The following ETV7 variants were observed in gnomAD, a reference collection of about 807,000 sequenced individuals.
ETV7 encodes the protein transcription factor ETV7.
ETV7 carries 43 observed loss-of-function variants against 39.1 expected under a neutral mutation model. That is an observed-to-expected ratio of 1.10 (90% CI 0.86 to 1.42). ETV7 has a LOEUF of 1.42. Ranked by LOEUF, ETV7 falls within the 40% of genes most tolerant of loss-of-function variation. The probability of loss-of-function intolerance (pLI) is 0.00; values close to 1 mark genes in which losing one functional copy is unlikely to be tolerated. For synonymous variants in ETV7, 196 were observed against 176.6 expected, an observed-to-expected ratio of 1.11 and a Z score of -0.87; for missense variants, 432 against 442.3, an observed-to-expected ratio of 0.98 and a Z score of 0.21.
chr6:36,363,168 G>A (rs1314157939), downstream of ETV7, among the ~76,000 whole-genome samples: 2 of 152,240 alleles, frequency 1.3e-5, no homozygotes, highest in African/African-American at 4.8e-5. Flanking sequence ...TGGTCTCACT[G>A]ACTTCAAGAA....
rs374057680 is a variant in ETV7, at chr6:36,373,437, C to T, written c.433+16G>A. 6.5e-7 allele frequency: 1 copy of T among 1,541,646 alleles called. No homozygotes were observed. Among genetic ancestry groups the T allele is most frequent in the Non-Finnish European group, 8.7e-7 (1 of 1,148,578 alleles). On this transcript the variant is annotated intron_variant, in intron 4 of 7. Transcript: ENST00000340181. ...TTTGAGGGAGGTACTCCGAGCACCA[C>T]AGAGAGCTTCCTCACCTTCCGGGGG...
intron 6 of ETV7, among the ~76,000 whole-genome samples, chr6:36,367,590 A>G (rs940144065): frequency 2.6e-5 from 4 of 152,196 alleles, no homozygotes; most frequent in Non-Finnish European, 5.9e-5. Context: ...CACAACAGTA[A>G]CAAATAAATA....
At chr6:36,376,633 G>A (rs1327865547) in intron 2 of ETV7, among the ~76,000 whole-genome samples, 2 of 152,082 alleles carry the variant, frequency 1.3e-5, no homozygotes, top group East Asian at 3.8e-4. Context: ...AAAATTAGCT[G>A]GGCATGGTGG....
At chr6:36,363,192 C>G (rs1161344904), downstream of ETV7, among the ~76,000 whole-genome samples, 1 of 152,218 alleles carries the variant, frequency 6.6e-6, no homozygotes, top group Non-Finnish European at 1.5e-5. Flanking sequence ...AGCCGCGGAC[C>G]CTCGCGGTGA....
At chr6:36,363,070 G>C (rs752460907), downstream of ETV7, among the ~76,000 whole-genome samples, 7 of 151,808 alleles carry the variant, frequency 4.6e-5, no homozygotes, top group Non-Finnish European at 7.3e-5. Flanking sequence ...ATGAGGGCCT[G>C]GATAAATTCA....
chr6:36,387,417 G>C (rs1221174026), intron 1 of ETV7, 119 bp downstream of exon 1: 1 of 1,391,818 alleles, frequency 7.2e-7, no homozygotes, highest in African/African-American at 1.4e-5. Flanking sequence ...GTTGGAAAGA[G>C]AGATTCCCGC....
At chr6:36,374,782 G>T (rs1445391292) in intron 3 of ETV7, among the ~76,000 whole-genome samples, 3 of 152,178 alleles carry the variant, frequency 2.0e-5, no homozygotes, top group African/African-American at 7.2e-5. Context: ...TAGAACTTGG[G>T]ATGTCAGCTG....
exon 8 of ETV7, chr6:36,354,611 T>G (rs1157529731): frequency 2.0e-5 from 14 of 692,398 alleles, no homozygotes; most frequent in Non-Finnish European, 3.1e-5. Flanking sequence ...AACTTTGTTT[T>G]TCTTTCCAAG....
chr6:36,376,108 T>C (rs1179278716), intron 2 of ETV7, 73 bp from the exon 3 acceptor site: 18 of 1,405,370 alleles, frequency 1.3e-5, no homozygotes, highest in Non-Finnish European at 1.6e-5. Flanking sequence ...GAACACTTCA[T>C]CTGAGCAGAT....
chr6:36,387,296 T>A (rs533098167), intron 1 of ETV7, among the ~76,000 whole-genome samples: 1 of 152,004 alleles, frequency 6.6e-6, no homozygotes. Context: ...GCAGGGGCTG[T>A]GCGTGATGCC....
chr6:36,362,227 G>A (rs970160439), downstream of ETV7, among the ~76,000 whole-genome samples: 7 of 152,010 alleles, frequency 4.6e-5, no homozygotes, highest in South Asian at 2.1e-4. Flanking sequence ...GCGTGAACCC[G>A]GGAGGCAGAG....
intron 7 of ETV7, among the ~76,000 whole-genome samples, chr6:36,354,985 T>C (rs992979467): frequency 6.6e-6 from 1 of 152,262 alleles, no homozygotes; most frequent in African/African-American, 2.4e-5. Flanking sequence ...TAGGTTAGTC[T>C]TGTATTCTGC....
At chr6:36,375,664 G>A (rs2127394636) in intron 3 of ETV7, among the ~76,000 whole-genome samples, 1 of 152,286 alleles carries the variant, frequency 6.6e-6, no homozygotes, top group South Asian at 2.1e-4. Flanking sequence ...AAAACAAGTG[G>A]TCAAATGGAC....
intron 5 of ETV7, among the ~76,000 whole-genome samples, chr6:36,370,460 G>A (rs568770123): frequency 5.3e-5 from 8 of 152,048 alleles, no homozygotes; most frequent in South Asian, 2.1e-4. Context: ...GCTTGAACCC[G>A]GGAGGCAGAG....
At chr6:36,363,094 T>TCG (rs1554145308), downstream of ETV7, among the ~76,000 whole-genome samples, 2 of 152,126 alleles carry the variant, frequency 1.3e-5, no homozygotes, top group African/African-American at 4.8e-5. Flanking sequence ...CGACAGTCCC[T>TCG]CCTAAGCCAG....
chr6:36,364,758 G>A (rs368750089), downstream of ETV7, among the ~76,000 whole-genome samples: 9 of 152,358 alleles, frequency 5.9e-5, no homozygotes, highest in Non-Finnish European at 1.2e-4. Flanking sequence ...GAGAGCGAGC[G>A]AGGGCTGTGA....
At chr6:36,370,833 G>A (rs1198570344) in intron 5 of ETV7, among the ~76,000 whole-genome samples, 4 of 152,150 alleles carry the variant, frequency 2.6e-5, no homozygotes, top group African/African-American at 9.7e-5. Flanking sequence ...TAGCGCTCAG[G>A]ATCTGGAGCC....
In ETV7 at chr6:36,359,437, G is replaced by A. The variant is rs145660380; in HGVS notation, c.909-4750C>T. Among the ~76,000 whole-genome samples, 27 of 148,994 alleles carry A rather than the reference G, an allele frequency of 1.8e-4. No homozygotes were observed. In the East Asian group the frequency reaches 5.1e-3, roughly 28 times the overall value. On this transcript the variant is annotated intron_variant, in intron 7 of 7. Transcript: ENST00000339796. The stretch of plus-strand genomic sequence containing the variant: ...TTGCTCTCCAGCCTGGGTAACAAGA[G>A]CGAAACTCAGTCTCAAAAAAAAAAA...
Position 36,373,568 on chromosome 6 carries a change from C to G in ETV7, c.318G>C (p.Leu106=). 1 of 1,483,976 alleles carries G rather than the reference C, an allele frequency of 6.7e-7. No homozygotes were observed. Among genetic ancestry groups the G allele is most frequent in the Non-Finnish European group, 9.0e-7 (1 of 1,112,942 alleles). The allele number at this position is 1,483,976 out of a possible 1,614,324, so 91.9% of individuals were successfully genotyped here. Residue 106 remains leucine (L), a synonymous_variant, in exon 4 of 8, where the codon CTG becomes CTC. Coordinates refer to ENST00000340181, the MANE Select transcript of ETV7 (RefSeq NM_016135.4). The part of the protein sequence containing the change: ...RHRAPSSGDV[L]YELLQYIKTQ... Reference sequence around the variant, plus strand: ...TCTTGATGTACTGGAGCAGCTCATACAGGACGTCACCTGGAGGTGGGTGGG... The same window carrying G: ...TCTTGATGTACTGGAGCAGCTCATAGAGGACGTCACCTGGAGGTGGGTGGG...
Sources: gnomAD v4.1 joint callset for allele counts (sites outside exome capture counted in the v4.1 genomes callset) on GRCh38, gnomAD v4.1.1 for gene constraint, MANE v1.5 for transcripts, NCBI Gene and HGNC (gene_info 2026-07-23, HGNC 2026-07-21) for gene names.